The following ZDHHC3 variants were observed in gnomAD, a reference collection of about 807,000 sequenced individuals.
The protein encoded by ZDHHC3 is zDHHC palmitoyltransferase 3.
A neutral mutation model predicts 30.6 loss-of-function variants in ZDHHC3; 9 were observed. The ratio of observed to expected loss-of-function variants is 0.29; its 90% CI spans 0.18 to 0.51. The LOEUF (loss-of-function observed/expected upper bound fraction) is 0.51. ZDHHC3 is among the 20% of genes least tolerant of loss of function. The probability of loss-of-function intolerance (pLI) is 0.97; values close to 1 mark genes in which losing one functional copy is unlikely to be tolerated. For missense variants in ZDHHC3, 246 were observed against 384.2 expected, an observed-to-expected ratio of 0.64 and a Z score of 3.01; for synonymous variants, 136 against 140.2, an observed-to-expected ratio of 0.97 and a Z score of 0.21.
Position 44,917,258 on chromosome 3 carries a change from A to G in ZDHHC3, c.*9431T>C. On this transcript the variant is annotated 3_prime_UTR_variant, in exon 7 of 7. Coordinates refer to ENST00000424952, the MANE Select transcript of ZDHHC3 (RefSeq NM_001135179.2). ...TCCTGCACATGTGTGTGTAGAGCTTAATGCAGGGTCCTCTTTGAACCATGC... is the reference window on the plus strand; with the variant it reads ...TCCTGCACATGTGTGTGTAGAGCTTGATGCAGGGTCCTCTTTGAACCATGC... The G allele has an allele frequency of 6.5e-6, 1 of 153,896 alleles. No homozygotes were observed. The highest frequency in any genetic ancestry group is 2.0e-4 in the South Asian group (1 of 4,926). 9.5% of individuals were successfully genotyped at this position (153,896 alleles called of 1,614,324 possible). A position where few individuals can be genotyped will look rare whatever the true frequency, so the allele number is the denominator to read the frequency against.
chr3:44,975,952 C>A lies in ZDHHC3; in HGVS notation c.-44G>T. ...ACTGACCGTGAAGCCGGAGGCAGTTCCCCAGTCCCAGACCCCGGTGGGGCT... is the reference window on the plus strand; with the variant it reads ...ACTGACCGTGAAGCCGGAGGCAGTTACCCAGTCCCAGACCCCGGTGGGGCT... On this transcript the variant is annotated 5_prime_UTR_variant, in exon 1 of 7. It introduces an in-frame stop codon into an upstream open reading frame of the 5' UTR. Transcript: ENST00000424952. 3.7e-6 allele frequency: 1 copy of A among 270,890 alleles called. No homozygotes were observed. The highest frequency in any genetic ancestry group is 1.0e-4 in the South Asian group (1 of 9,670). The allele number at this position is 270,890 out of a possible 1,614,324, so 16.8% of individuals were successfully genotyped here.
In ZDHHC3 at chr3:44,920,027, G is replaced by T; in HGVS notation, c.*6662C>A. The T allele has an allele frequency of 1.7e-6, 2 of 1,176,650 alleles. No homozygotes were observed. Among genetic ancestry groups the T allele is most frequent in the Non-Finnish European group, 2.1e-6 (2 of 933,474 alleles). The allele number at this position is 1,176,650 out of a possible 1,614,324, so 72.9% of individuals were successfully genotyped here. ...GGTTTTACATGACATTAGAACATTT[G>T]TCTGAGTGGTTACTTTTGGGGATGG... On this transcript the variant is annotated 3_prime_UTR_variant, in exon 7 of 7. Transcript: ENST00000424952.
chr3:44,960,644 C>G (rs1178112695), intron 1 of ZDHHC3, among the ~76,000 whole-genome samples: 1 of 152,228 alleles, frequency 6.6e-6, no homozygotes, highest in Admixed American at 6.5e-5. Flanking sequence ...ACTGTGATGG[C>G]TCAAGCTCCC....
At position 44,922,590 on chromosome 3, in the gene ZDHHC3, G is replaced by A. The variant is rs1320732829; in HGVS notation, c.*4099C>T. ...CAGCACACCCCAACTGCACTATGCT[G>A]AGCCCAGCAGCACACAAGACCCATA... is the stretch of plus-strand genomic sequence containing the variant. On this transcript the variant is annotated 3_prime_UTR_variant, in exon 7 of 7. Coordinates refer to ENST00000424952, the MANE Select transcript of ZDHHC3 (RefSeq NM_001135179.2). The A allele has an allele frequency of 5.1e-6, 5 of 985,328 alleles. No homozygotes were observed. The highest frequency in any genetic ancestry group is 6.0e-6 in the Non-Finnish European group (5 of 829,912). 61.0% of individuals were successfully genotyped at this position (985,328 alleles called of 1,614,324 possible).
intron 4 of ZDHHC3, 66 bp downstream of exon 4, chr3:44,933,822 T>G (rs1267199761): frequency 3.5e-6 from 5 of 1,440,226 alleles, no homozygotes; most frequent in Non-Finnish European, 4.9e-6. Context: ...ATGCTGAGAA[T>G]TTTCAAAGGA....
Position 44,921,173 on chromosome 3 carries a change from C to G in ZDHHC3, c.*5516G>C. Reference sequence around the variant, plus strand: ...GTCTGGGTGACACATGAGCTGTGATCTGTGAACAAACTCACCAACACTCCA... The same window carrying G: ...GTCTGGGTGACACATGAGCTGTGATGTGTGAACAAACTCACCAACACTCCA... On this transcript the variant is annotated 3_prime_UTR_variant, in exon 7 of 7. Transcript: ENST00000424952. 6.1e-6 allele frequency: 6 copies of G among 985,388 alleles called. No individual in the cohort carries two copies. The highest frequency in any genetic ancestry group is 7.2e-6 in the Non-Finnish European group (6 of 829,928). 61.0% of individuals were successfully genotyped at this position (985,388 alleles called of 1,614,324 possible).
rs577657427 is a variant in ZDHHC3 at position 44,962,864 on chromosome 3, A to T, written c.-24-3404T>A. Among the ~76,000 whole-genome samples, 6 of 152,364 alleles carry T rather than the reference A, an allele frequency of 3.9e-5. No individual in the cohort carries two copies. The East Asian group carries it at 1.2e-3, about 29-fold the overall frequency. Reference sequence around the variant, plus strand: ...TACTACTGCTAATTGGCTGTGGGCTAGAAAAGCAAATAAACTAAGTCTTGT... The same window carrying T: ...TACTACTGCTAATTGGCTGTGGGCTTGAAAAGCAAATAAACTAAGTCTTGT... On this transcript the variant is annotated intron_variant, in intron 1 of 6. Coordinates refer to ENST00000424952, the MANE Select transcript of ZDHHC3 (RefSeq NM_001135179.2).
At position 44,923,236 on chromosome 3, in the gene ZDHHC3, C is replaced by T. The variant is rs1700735458; in HGVS notation, c.*3453G>A. ...GACTACAGACGCCTGCCACCACGCC[C>T]AGCTAATTTTTTTATATTTTTAGTA... is the stretch of plus-strand genomic sequence containing the variant. On this transcript the variant is annotated 3_prime_UTR_variant, in exon 7 of 7. Coordinates refer to ENST00000424952, the MANE Select transcript of ZDHHC3 (RefSeq NM_001135179.2). 1.2e-6 allele frequency: 1 copy of T among 838,866 alleles called. No homozygotes were observed. Among genetic ancestry groups the T allele is most frequent in the Admixed American group, 6.2e-5 (1 of 16,064 alleles). 52.0% of individuals were successfully genotyped at this position (838,866 alleles called of 1,614,324 possible).
chr3:44,942,629 A>T (rs1702541255), intron 3 of ZDHHC3, among the ~76,000 whole-genome samples: 1 of 152,238 alleles, frequency 6.6e-6, no homozygotes, highest in Admixed American at 6.5e-5. Context: ...TCCAGCCTTT[A>T]TAAACCCAGC....
At chr3:44,939,848 G>A (rs1702288135) in intron 3 of ZDHHC3, among the ~76,000 whole-genome samples, 1 of 152,220 alleles carries the variant, frequency 6.6e-6, no homozygotes, top group African/African-American at 2.4e-5. Context: ...CCTGCTGAGG[G>A]CCACAAGTGT....
In ZDHHC3 at chr3:44,925,948, C is replaced by T; in HGVS notation, c.*741G>A. On this transcript the variant is annotated 3_prime_UTR_variant, in exon 7 of 7. Coordinates refer to ENST00000424952, the MANE Select transcript of ZDHHC3 (RefSeq NM_001135179.2). ...TTTTTTTCCTCTTGATTGTATAAGG[C>T]ATTTTGAACTGGAAAAACGTCTTTC... 3.0e-6 allele frequency: 3 copies of T among 985,756 alleles called. No homozygotes were observed. The highest frequency in any genetic ancestry group is 3.6e-6 in the Non-Finnish European group (3 of 829,914). 61.1% of individuals were successfully genotyped at this position (985,756 alleles called of 1,614,324 possible). A position where few individuals can be genotyped will look rare whatever the true frequency, so the allele number is the denominator to read the frequency against.
At position 44,920,717 on chromosome 3, in the gene ZDHHC3, C is replaced by A; in HGVS notation, c.*5972G>T. 3.0e-6 allele frequency: 3 copies of A among 985,422 alleles called. No individual in the cohort carries two copies. Among genetic ancestry groups the A allele is most frequent in the Non-Finnish European group, 3.6e-6 (3 of 829,936 alleles). 61.0% of individuals were successfully genotyped at this position (985,422 alleles called of 1,614,324 possible). A position where few individuals can be genotyped will look rare whatever the true frequency, so the allele number is the denominator to read the frequency against. ...GAAGGGGAATGAAGCCAAGAGCCCACAGGATGATTATTTGCCATTCATGTG... is the reference window on the plus strand; with the variant it reads ...GAAGGGGAATGAAGCCAAGAGCCCAAAGGATGATTATTTGCCATTCATGTG... On this transcript the variant is annotated 3_prime_UTR_variant, in exon 7 of 7. Transcript: ENST00000424952.
chr3:44,917,708 C>T lies in ZDHHC3; in HGVS notation c.*8981G>A. The T allele has an allele frequency of 3.5e-6, 2 of 570,522 alleles. No homozygotes were observed. The highest frequency in any genetic ancestry group is 2.0e-5 in the African/African-American group (1 of 50,858). 35.3% of individuals were successfully genotyped at this position (570,522 alleles called of 1,614,324 possible). A position where few individuals can be genotyped will look rare whatever the true frequency, so the allele number is the denominator to read the frequency against. Reference sequence around the variant, plus strand: ...ATCCTCCTCTGATGTCCCCAGCCTACTCCCGACCCCCAGACCTGGCCCAAC... The same window carrying T: ...ATCCTCCTCTGATGTCCCCAGCCTATTCCCGACCCCCAGACCTGGCCCAAC... On this transcript the variant is annotated 3_prime_UTR_variant, in exon 7 of 7. Coordinates refer to ENST00000424952, the MANE Select transcript of ZDHHC3 (RefSeq NM_001135179.2).
chr3:44,929,305 C>T lies in ZDHHC3; in HGVS notation c.741+1G>A, dbSNP rs1701281306. On this transcript the variant is annotated splice_donor_variant, in intron 6 of 6. Transcript: ENST00000424952. LOFTEE classifies it high-confidence loss of function. ...AATGGTGGGCAGAGCCACCTGCTTA[C>T]CGTCTCATCTGTGCAGATGGAGTGC... 1 of 1,613,646 alleles carries T rather than the reference C, an allele frequency of 6.2e-7. No individual in the cohort carries two copies. The highest frequency in any genetic ancestry group is 8.5e-7 in the Non-Finnish European group (1 of 1,179,808).
Position 44,919,676 on chromosome 3 carries a change from T to C in ZDHHC3, c.*7013A>G, listed in dbSNP as rs1450633434. 6.6e-6 allele frequency among the ~76,000 whole-genome samples: 1 copy of C among 152,200 alleles called. No homozygotes were observed. Among genetic ancestry groups the C allele is most frequent in the Non-Finnish European group, 1.5e-5 (1 of 68,038 alleles). ...TGTTAATGGGACAACTGGAGAAATG[T>C]GAATAAGGTACATACATTAGTTAAG... On this transcript the variant is annotated 3_prime_UTR_variant, in exon 7 of 7. Transcript: ENST00000424952.
Position 44,929,293 on chromosome 3 carries a change from G to C in ZDHHC3, c.741+13C>G. The C allele has an allele frequency of 6.2e-7, 1 of 1,613,184 alleles. No individual in the cohort carries two copies. Among genetic ancestry groups the C allele is most frequent in the Non-Finnish European group, 8.5e-7 (1 of 1,179,576 alleles). On this transcript the variant is annotated intron_variant, in intron 6 of 6. Coordinates refer to ENST00000424952, the MANE Select transcript of ZDHHC3 (RefSeq NM_001135179.2). ...CCCAGGTGTGGAAATGGTGGGCAGA[G>C]CCACCTGCTTACCGTCTCATCTGTG...
rs1376784781 is a variant in ZDHHC3 at position 44,958,682 on chromosome 3, G to T, written c.306+449C>A. On this transcript the variant is annotated intron_variant, in intron 2 of 6. Transcript: ENST00000424952. The stretch of plus-strand genomic sequence containing the variant: ...CAAAGTGAAGGCCATTTCCGTGCAG[G>T]TTCCTGGAATTGGATGTGGCTTTAA... The T allele has an allele frequency of 3.9e-6, 6 of 1,535,956 alleles. No individual in the cohort carries two copies. In the Admixed American group the frequency reaches 5.9e-5, roughly 15 times the overall value.
intron 2 of ZDHHC3, 108 bp from the exon 3 acceptor site, chr3:44,945,400 C>T (rs1456981411): frequency 6.8e-7 from 1 of 1,460,762 alleles, no homozygotes; most frequent in Non-Finnish European, 9.4e-7. Context: ...CACACATGGA[C>T]AGGACACTTT....
In ZDHHC3 at chr3:44,926,003, A is replaced by T. The variant is rs769479053; in HGVS notation, c.*686T>A. On this transcript the variant is annotated 3_prime_UTR_variant, in exon 7 of 7. Transcript: ENST00000424952. ...ACACTCTTCCAAATAATCACAGGGA[A>T]TATAATTGCTGATTCAGAATACAAA... The T allele has an allele frequency of 1.6e-5, 16 of 985,764 alleles. No homozygotes were observed. Among genetic ancestry groups the T allele is most frequent in the Non-Finnish European group, 1.9e-5 (16 of 829,954 alleles). 61.1% of individuals were successfully genotyped at this position (985,764 alleles called of 1,614,324 possible). A position where few individuals can be genotyped will look rare whatever the true frequency, so the allele number is the denominator to read the frequency against.
Sources: allele counts gnomAD v4.1 joint callset (sites outside exome capture counted in the v4.1 genomes callset), GRCh38; gene constraint gnomAD v4.1.1; transcripts MANE v1.5; gene names NCBI Gene and HGNC (gene_info 2026-07-23, HGNC 2026-07-21).